Variants in PLCE1 observed in about 807,000 individuals in gnomAD.
PLCE1 encodes the protein phospholipase C epsilon 1, also known as 1-phosphatidylinositol 4,5-bisphosphate phosphodiesterase epsilon-1.
Under a neutral mutation model 242.8 loss-of-function variants are expected in PLCE1, and 119 were observed. The observed-to-expected ratio is 0.49, with a 90% CI of 0.42 to 0.57. PLCE1 has a LOEUF of 0.57. PLCE1 is among the 20% of genes least tolerant of loss of function. The pLI, the probability that PLCE1 is intolerant of heterozygous loss-of-function variation, is 0.00. For synonymous variants in PLCE1, 945 were observed against 1,017.4 expected (o/e 0.93, Z 1.35); for missense variants, 2,441 against 2,788.8 (o/e 0.88, Z 2.81).
intron 4 of PLCE1, among the ~76,000 whole-genome samples, chr10:94,198,491 T>C (rs2048894055): frequency 6.6e-6 from 1 of 152,230 alleles, no homozygotes; most frequent in African/African-American, 2.4e-5. Flanking sequence ...GGCATGCAGT[T>C]TGAATTTTGA....
At chr10:94,272,967 G>A (rs552040245) in intron 18 of PLCE1, among the ~76,000 whole-genome samples, 2 of 152,222 alleles carry the variant, frequency 1.3e-5, no homozygotes, top group South Asian at 4.2e-4. Context: ...TTGGGAGGCT[G>A]AGGCGGGTGG....
chr10:94,177,236 C>T (rs1402633926), intron 4 of PLCE1, among the ~76,000 whole-genome samples: 2 of 152,164 alleles, frequency 1.3e-5, no homozygotes, highest in African/African-American at 4.8e-5. Context: ...TGAAAAGGTT[C>T]AGCTTACATT....
intron 4 of PLCE1, among the ~76,000 whole-genome samples, chr10:94,211,734 A>G (rs956519492): frequency 6.6e-6 from 1 of 152,168 alleles, no homozygotes; most frequent in African/African-American, 2.4e-5. Flanking sequence ...TATGACACCA[A>G]TTATAAAATC....
chr10:94,051,683 G>A (rs2043770825), intron 2 of PLCE1, among the ~76,000 whole-genome samples: 2 of 152,132 alleles, frequency 1.3e-5, no homozygotes, highest in South Asian at 2.1e-4. Flanking sequence ...ATTGAAATGC[G>A]CTGGAACTGA....
intron 7 of PLCE1, among the ~76,000 whole-genome samples, chr10:94,244,199 A>G (rs1211771008): frequency 2.0e-5 from 3 of 152,192 alleles, no homozygotes; most frequent in African/African-American, 7.2e-5. Flanking sequence ...TTCAGGGACC[A>G]TAGTCTAAAC....
chr10:94,300,912 C>T lies in PLCE1; in HGVS notation c.5458+2243C>T, dbSNP rs973605059. Reference sequence around the variant, plus strand: ...CCCATCTCTACTAAAAATATTAAAACAAAATAGTGGGGCTTGGCGGTGTAT... The same window carrying T: ...CCCATCTCTACTAAAAATATTAAAATAAAATAGTGGGGCTTGGCGGTGTAT... On this transcript the variant is annotated intron_variant, in intron 24 of 32. Coordinates refer to ENST00000371380, the MANE Select transcript of PLCE1 (RefSeq NM_016341.4). Among the ~76,000 whole-genome samples, 3 of 147,978 alleles carry T rather than the reference C, an allele frequency of 2.0e-5. No individual in the cohort carries two copies. The East Asian group carries it at 5.8e-4, about 29-fold the overall frequency.
chr10:94,261,819 T>G (rs541936614), intron 13 of PLCE1, among the ~76,000 whole-genome samples: 17 of 152,272 alleles, frequency 1.1e-4, no homozygotes, highest in South Asian at 8.3e-4. Context: ...ATGCTTATAT[T>G]AAACAGTAAA....
rs779040422 is a variant in PLCE1, at chr10:94,284,968, A to G, written c.5035+3A>G. On this transcript the variant is annotated splice_donor_region_variant and intron_variant, in intron 22 of 32. Transcript: ENST00000371380. ...TTGTCAAGCAGTAAAATTTCCAGGT[A>G]AGATTAGGCAATATCATCTATAACT... 4.8e-6 allele frequency: 7 copies of G among 1,455,828 alleles called. No individual in the cohort carries two copies. The South Asian group carries it at 6.8e-5, about 14-fold the overall frequency. The allele number at this position is 1,455,828 out of a possible 1,614,324, so 90.2% of individuals were successfully genotyped here.
chr10:94,245,284 G>A (rs1039998955), intron 7 of PLCE1, among the ~76,000 whole-genome samples: 2 of 152,118 alleles, frequency 1.3e-5, no homozygotes, highest in Non-Finnish European at 2.9e-5. Flanking sequence ...AACTTACCTT[G>A]CAAGTAGATT....
At chr10:94,200,633 A>G (rs886503962) in intron 4 of PLCE1, among the ~76,000 whole-genome samples, 2 of 152,194 alleles carry the variant, frequency 1.3e-5, no homozygotes, top group African/African-American at 4.8e-5. Flanking sequence ...TTGTTAAAGT[A>G]TGAGCTATGC....
intron 8 of PLCE1, among the ~76,000 whole-genome samples, chr10:94,248,591 A>C (rs1701977055): frequency 6.6e-6 from 1 of 151,210 alleles, no homozygotes; most frequent in Non-Finnish European, 1.5e-5. Flanking sequence ...CTGTCTCAAA[A>C]AAACAAACAA....
At chr10:94,244,946 C>T (rs1326381381) in intron 7 of PLCE1, among the ~76,000 whole-genome samples, 1 of 152,114 alleles carries the variant, frequency 6.6e-6, no homozygotes, top group Non-Finnish European at 1.5e-5. Flanking sequence ...AGCAGTCTGC[C>T]TACTTTCTTT....
At chr10:94,020,620 A>T (rs543986965) in intron 1 of PLCE1, among the ~76,000 whole-genome samples, 1 of 151,988 alleles carries the variant, frequency 6.6e-6, no homozygotes, top group South Asian at 2.1e-4. Context: ...TCGGACTATT[A>T]TCTATTTTGA....
At chr10:94,204,201 C>G (rs2049070020) in intron 4 of PLCE1, among the ~76,000 whole-genome samples, 1 of 151,688 alleles carries the variant, frequency 6.6e-6, no homozygotes, top group African/African-American at 2.4e-5. Flanking sequence ...TCCTGGCAGC[C>G]TAGGCAAAAA....
chr10:94,325,230 A>G, intron 32 of PLCE1, 126 bp downstream of exon 32: 1 of 720,158 alleles, frequency 1.4e-6, no homozygotes, highest in Non-Finnish European at 2.5e-6. Flanking sequence ...GCAGGTAGGA[A>G]TGGGACCTTA....
At chr10:94,185,343 A>G (rs2048440463) in intron 4 of PLCE1, among the ~76,000 whole-genome samples, 1 of 152,218 alleles carries the variant, frequency 6.6e-6, no homozygotes, top group Non-Finnish European at 1.5e-5. Context: ...AAAAGTACAA[A>G]AAATTAGCCA....
Position 94,308,591 on chromosome 10 carries a change from T to C in PLCE1, c.5895T>C (p.His1965=). 1.2e-6 allele frequency: 2 copies of C among 1,606,534 alleles called. No homozygotes were observed. Among genetic ancestry groups the C allele is most frequent in the South Asian group, 2.2e-5 (2 of 90,950 alleles). ...PLKALKRGYR[H]LQLRNLHNEV... ...TCTGTATTACTCCAGGATATCGACA[T>C]CTTCAGCTGCGAAACCTTCACAATG... Residue 1965 remains histidine (H), a synonymous_variant, in exon 27 of 33, where the codon CAT becomes CAC. Coordinates refer to ENST00000371380, the MANE Select transcript of PLCE1 (RefSeq NM_016341.4).
At chr10:94,009,455 G>C (rs1198532786) in intron 1 of PLCE1, among the ~76,000 whole-genome samples, 1 of 152,090 alleles carries the variant, frequency 6.6e-6, no homozygotes, top group Non-Finnish European at 1.5e-5. Context: ...ATGTCATTCT[G>C]CCCTTGGCCC....
chr10:94,073,138 T>A (rs1318571649), intron 2 of PLCE1, among the ~76,000 whole-genome samples: 1 of 151,924 alleles, frequency 6.6e-6, no homozygotes, highest in Non-Finnish European at 1.5e-5. Context: ...TTTCTAGGAG[T>A]GTAACTGCTC....
Sources: allele counts gnomAD v4.1 joint callset (sites outside exome capture counted in the v4.1 genomes callset), GRCh38; gene constraint gnomAD v4.1.1; transcripts MANE v1.5; gene names NCBI Gene and HGNC (gene_info 2026-07-23, HGNC 2026-07-21).